GPC6: variants seen among roughly 807,000 people sequenced by gnomAD.
GPC6 encodes glypican 6.
GPC6 carries 14 observed loss-of-function variants against 55.2 expected under a neutral mutation model. The ratio of observed to expected loss-of-function variants is 0.25; its 90% confidence interval spans 0.17 to 0.40. The LOEUF is 0.40. Ranked by LOEUF, GPC6 falls within the 10% of genes least tolerant of loss-of-function variation. The pLI is 1.00. For synonymous variants in GPC6, 278 were observed against 259.6 expected, an observed-to-expected ratio of 1.07 and a Z score of -0.68; for missense variants, 641 against 708.5, an observed-to-expected ratio of 0.90 and a Z score of 1.08.
At chr13:94,242,831 C>A (rs1433316833) in intron 4 of GPC6, among the ~76,000 whole-genome samples, 1 of 151,986 alleles carries the variant, frequency 6.6e-6, no homozygotes, top group East Asian at 1.9e-4. Context: ...ATATTTTACA[C>A]AGTCTGTTGG....
At chr13:93,626,853 T>C (rs963242226) in intron 2 of GPC6, among the ~76,000 whole-genome samples, 2 of 147,896 alleles carry the variant, frequency 1.4e-5, no homozygotes, top group African/African-American at 5.0e-5. Context: ...AGAAAACAGG[T>C]TTTATTGGCT....
chr13:93,408,433 A>G (rs1193605410), intron 1 of GPC6, among the ~76,000 whole-genome samples: 1 of 152,154 alleles, frequency 6.6e-6, no homozygotes, highest in Non-Finnish European at 1.5e-5. Context: ...ATGCAGGAGC[A>G]AGTCTTGTGT....
intron 4 of GPC6, among the ~76,000 whole-genome samples, chr13:94,061,743 G>C (rs901097305): frequency 3.3e-5 from 5 of 151,704 alleles, no homozygotes; most frequent in Middle Eastern, 3.4e-3. Context: ...ACCTGCTTGA[G>C]AAAGTGTATT....
At chr13:93,447,358 C>T (rs1028472419) in intron 1 of GPC6, among the ~76,000 whole-genome samples, 1 of 152,094 alleles carries the variant, frequency 6.6e-6, no homozygotes, top group Non-Finnish European at 1.5e-5. Flanking sequence ...ATTATGTTAA[C>T]CTTTTTTTTC....
chr13:93,551,292 C>G (rs2139442194), intron 2 of GPC6, among the ~76,000 whole-genome samples: 1 of 121,880 alleles, frequency 8.2e-6, no homozygotes, highest in East Asian at 2.1e-4. Context: ...TGCACCAGCC[C>G]TTTACTGTTT....
At chr13:94,339,418 A>C (rs1012109786) in intron 6 of GPC6, among the ~76,000 whole-genome samples, 2 of 152,166 alleles carry the variant, frequency 1.3e-5, no homozygotes, top group African/African-American at 4.8e-5. Context: ...GCTGTCATTC[A>C]TAAGTTACGC....
At chr13:93,496,479 C>T (rs970672062) in intron 1 of GPC6, among the ~76,000 whole-genome samples, 2 of 152,322 alleles carry the variant, frequency 1.3e-5, no homozygotes, top group East Asian at 1.9e-4. Flanking sequence ...TCTTCTGCGT[C>T]GCTCATGCTG....
At chr13:93,454,169 T>A (rs1878342175) in intron 1 of GPC6, among the ~76,000 whole-genome samples, 1 of 142,720 alleles carries the variant, frequency 7.0e-6, no homozygotes, top group Admixed American at 7.0e-5. Context: ...GGGTGCTGAT[T>A]GGTGTGTTTA....
rs917230349 is a variant in GPC6, at chr13:94,215,157, C to G, written c.878-71192C>G. ...TGTTGAAAAGTTTTCACAGTATGAA[C>G]TATTATGCAAAGTAAGCAGATTAGT... On this transcript the variant is annotated intron_variant, in intron 4 of 8. Coordinates refer to ENST00000377047, the MANE Select transcript of GPC6 (RefSeq NM_005708.5). Among the ~76,000 whole-genome samples, 23 of 152,182 alleles carry G rather than the reference C, an allele frequency of 1.5e-4. 1 individual carries two copies. The highest frequency in any genetic ancestry group is 1.0e-3 in the Admixed American group (16 of 15,268).
intron 4 of GPC6, among the ~76,000 whole-genome samples, chr13:94,153,655 A>G (rs1887823942): frequency 6.6e-6 from 1 of 152,198 alleles, no homozygotes; most frequent in Non-Finnish European, 1.5e-5. Flanking sequence ...ATTGAGAGTC[A>G]CAAAAAGGTA....
chr13:93,228,451 C>G (rs929582223), intron 1 of GPC6, among the ~76,000 whole-genome samples: 1 of 152,174 alleles, frequency 6.6e-6, no homozygotes, highest in South Asian at 2.1e-4. Flanking sequence ...CCCGCATGCC[C>G]GGCCACTGGC....
intron 3 of GPC6, among the ~76,000 whole-genome samples, chr13:93,834,482 G>A (rs1769160001): frequency 6.6e-6 from 1 of 152,158 alleles, no homozygotes; most frequent in South Asian, 2.1e-4. Context: ...GGTTACCTCT[G>A]GAGATGCAGT....
Position 93,686,299 on chromosome 13 carries a change from C to T in GPC6, c.319+140878C>T, listed in dbSNP as rs560542994. ...GAAGCATACTGGATAAAATCAGAAA[C>T]TAGTTTCAATATTTCAATGATGTAG... On this transcript the variant is annotated intron_variant, in intron 2 of 8. Coordinates refer to ENST00000377047, the MANE Select transcript of GPC6 (RefSeq NM_005708.5). 4.0e-4 allele frequency among the ~76,000 whole-genome samples: 61 copies of T among 152,138 alleles called. 1 individual carries two copies. The highest frequency in any genetic ancestry group is 1.4e-3 in the African/African-American group (57 of 41,512).
At chr13:93,257,001 G>GA (rs149763717) in intron 1 of GPC6, among the ~76,000 whole-genome samples, 1,634 of 150,708 alleles carry the variant, frequency 0.011, 36 homozygotes, top group African/African-American at 0.038. Flanking sequence ...GTAACTTTGT[G>GA]AAAAAAAAAG....
chr13:93,508,351 C>T (rs1006350298), intron 1 of GPC6, among the ~76,000 whole-genome samples: 1 of 152,166 alleles, frequency 6.6e-6, no homozygotes, highest in African/African-American at 2.4e-5. Flanking sequence ...GAAGAAGCTT[C>T]CTGACAAAGG....
intron 1 of GPC6, among the ~76,000 whole-genome samples, chr13:93,304,730 T>A (rs761366646): frequency 1.3e-5 from 2 of 152,182 alleles, no homozygotes; most frequent in Non-Finnish European, 2.9e-5. Flanking sequence ...GGTGAGGATT[T>A]ACAGCTAATG....
chr13:93,516,463 A>G (rs1026426412), intron 1 of GPC6, among the ~76,000 whole-genome samples: 10 of 152,162 alleles, frequency 6.6e-5, no homozygotes, highest in Non-Finnish European at 2.9e-5. Flanking sequence ...GAGTTTTGCC[A>G]GGAAGTGGGG....
chr13:93,405,312 G>A (rs9589728), intron 1 of GPC6, among the ~76,000 whole-genome samples: 3 of 152,128 alleles, frequency 2.0e-5, no homozygotes, highest in African/African-American at 7.2e-5. Flanking sequence ...CCATCAGAGT[G>A]CACACAAGGT....
chr13:93,273,897 C>T (rs1465617288), intron 1 of GPC6, among the ~76,000 whole-genome samples: 1 of 151,840 alleles, frequency 6.6e-6, no homozygotes, highest in Non-Finnish European at 1.5e-5. Flanking sequence ...CAACCTCTGC[C>T]TCCCAGGTTC....
Sources: allele counts gnomAD v4.1 joint callset (sites outside exome capture counted in the v4.1 genomes callset), GRCh38; gene constraint gnomAD v4.1.1; transcripts MANE v1.5; gene names NCBI Gene and HGNC (gene_info 2026-07-23, HGNC 2026-07-21).